UNC5D: variants seen among roughly 807,000 people sequenced by gnomAD.
UNC5D encodes netrin receptor UNC5D.
In UNC5D, 39 loss-of-function variants were observed where a neutral mutation model predicts 105.4. The observed-to-expected ratio is 0.37, with a 90% CI of 0.29 to 0.48. The LOEUF is 0.48. UNC5D is among the 20% of genes least tolerant of loss of function. The probability of loss-of-function intolerance (pLI) is 0.98; values close to 1 mark genes in which losing one functional copy is unlikely to be tolerated. For missense variants in UNC5D, 991 were observed against 1,202.4 expected (o/e 0.82, Z 2.60); for synonymous variants, 452 against 450.4 (o/e 1.00, Z -0.04).
At chr8:35,257,758 C>T (rs556571178) in intron 1 of UNC5D, among the ~76,000 whole-genome samples, 3 of 152,188 alleles carry the variant, frequency 2.0e-5, no homozygotes, top group Non-Finnish European at 2.9e-5. Flanking sequence ...AGAATTCATA[C>T]GTATTTAACA....
intron 8 of UNC5D, chr8:35,721,461 G>A (rs1462540869): frequency 1.4e-6 from 1 of 702,962 alleles, no homozygotes; most frequent in Non-Finnish European, 2.6e-6. Context: ...ATAGGATGGA[G>A]TAGGAGAGGT....
chr8:35,738,679 C>T (rs925002118), intron 11 of UNC5D, among the ~76,000 whole-genome samples: 9 of 152,184 alleles, frequency 5.9e-5, no homozygotes, highest in Non-Finnish European at 1.3e-4. Flanking sequence ...TTTAAAGGTA[C>T]ATCATATTAG....
intron 1 of UNC5D, among the ~76,000 whole-genome samples, chr8:35,534,125 A>G (rs1814649393): frequency 6.6e-6 from 1 of 152,184 alleles, no homozygotes; most frequent in Non-Finnish European, 1.5e-5. Flanking sequence ...TTGTCAATGG[A>G]AAAAAGTCAT....
intron 4 of UNC5D, among the ~76,000 whole-genome samples, chr8:35,660,523 C>A (rs1016105431): frequency 3.3e-5 from 5 of 152,282 alleles, no homozygotes; most frequent in African/African-American, 9.6e-5. Context: ...TATCACCCAG[C>A]ATTTAGTTTT....
At chr8:35,509,906 G>A (rs1586010572) in intron 1 of UNC5D, among the ~76,000 whole-genome samples, 1 of 152,106 alleles carries the variant, frequency 6.6e-6, no homozygotes, top group East Asian at 1.9e-4. Context: ...AGAGCTTAAG[G>A]AAACCCTTAC....
chr8:35,326,373 A>AT (rs1012268029), intron 1 of UNC5D, among the ~76,000 whole-genome samples: 31 of 152,298 alleles, frequency 2.0e-4, no homozygotes, highest in African/African-American at 6.0e-4. Flanking sequence ...ACCAAGACAC[A>AT]TTTTAGAAAG....
chr8:35,441,697 T>C (rs966948399), intron 1 of UNC5D, among the ~76,000 whole-genome samples: 1 of 151,750 alleles, frequency 6.6e-6, no homozygotes, highest in Non-Finnish European at 1.5e-5. Flanking sequence ...AACTGAAGTA[T>C]AAAATAAGTT....
chr8:35,508,532 G>A (rs1210714771), intron 1 of UNC5D, among the ~76,000 whole-genome samples: 2 of 152,288 alleles, frequency 1.3e-5, no homozygotes, highest in East Asian at 3.9e-4. Flanking sequence ...ATTGCTAAAT[G>A]GGCAAGTCCA....
In UNC5D at chr8:35,487,566, T is replaced by TACACACACACACAC. The variant is rs3048025; in HGVS notation, c.104-61711_104-61698dup. ...ATCTCTCTGTCTCTCTCTCTCTCTGTACACACACACACACACACACACACA... is the reference window on the plus strand; with the variant it reads ...ATCTCTCTGTCTCTCTCTCTCTCTGTACACACACACACACACACACACACACACACACACACACA... On this transcript the variant is annotated intron_variant, in intron 1 of 16. Transcript: ENST00000404895. 4.4e-3 allele frequency among the ~76,000 whole-genome samples: 495 copies of TACACACACACACAC among 113,008 alleles called. 4 individuals carry two copies. Among genetic ancestry groups the TACACACACACACAC allele is most frequent in the African/African-American group, 0.017 (465 of 26,888 alleles). The allele number at this position is 113,008 out of a possible 152,430, so 74.1% of individuals were successfully genotyped here. A position where few individuals can be genotyped will look rare whatever the true frequency, so the allele number is the denominator to read the frequency against.
chr8:35,299,015 A>T (rs985980381), intron 1 of UNC5D, among the ~76,000 whole-genome samples: 1 of 152,314 alleles, frequency 6.6e-6, no homozygotes, highest in African/African-American at 2.4e-5. Context: ...ACTGTCAATG[A>T]TTAAACACTT....
chr8:35,443,937 C>T (rs1481989555), intron 1 of UNC5D, among the ~76,000 whole-genome samples: 1 of 151,822 alleles, frequency 6.6e-6, no homozygotes, highest in African/African-American at 2.4e-5. Flanking sequence ...TTCTTCACTG[C>T]TTTTAATATA....
chr8:35,487,593 A>ACACACACACACACACACACAC (rs1415748793), intron 1 of UNC5D, among the ~76,000 whole-genome samples: 3 of 150,472 alleles, frequency 2.0e-5, no homozygotes, highest in African/African-American at 7.4e-5. Context: ...ACACACACAC[A>ACACACACACACACACACACAC]CCCCACAGAC....
chr8:35,693,757 T>C (rs1447108017), intron 7 of UNC5D, among the ~76,000 whole-genome samples: 1 of 152,180 alleles, frequency 6.6e-6, no homozygotes, highest in Non-Finnish European at 1.5e-5. Context: ...TATTTCAATA[T>C]GTATTTTTCC....
At chr8:35,401,946 A>G (rs1365617520) in intron 1 of UNC5D, among the ~76,000 whole-genome samples, 1 of 152,158 alleles carries the variant, frequency 6.6e-6, no homozygotes, top group African/African-American at 2.4e-5. Flanking sequence ...AGAAATATTC[A>G]TCTTAATTTT....
chr8:35,258,979 T>C (rs987629577), intron 1 of UNC5D, among the ~76,000 whole-genome samples: 2 of 152,190 alleles, frequency 1.3e-5, no homozygotes, highest in Non-Finnish European at 2.9e-5. Context: ...AAGCCCGTTA[T>C]CTGGAGAAGT....
chr8:35,563,240 A>G (rs1047219790), intron 2 of UNC5D, among the ~76,000 whole-genome samples: 7 of 151,812 alleles, frequency 4.6e-5, no homozygotes, highest in African/African-American at 1.2e-4. Context: ...ATCCATGAAC[A>G]TGGAATATCT....
chr8:35,708,507 A>G (rs1827741323), intron 8 of UNC5D, among the ~76,000 whole-genome samples: 1 of 152,216 alleles, frequency 6.6e-6, no homozygotes, highest in Non-Finnish European at 1.5e-5. Flanking sequence ...GTTGTGTAAC[A>G]ATGTCAGGAG....
chr8:35,728,071 T>TAAAAAGAAAAA (rs1828974047), intron 10 of UNC5D, among the ~76,000 whole-genome samples: 1 of 41,044 alleles, frequency 2.4e-5, no homozygotes, highest in African/African-American at 1.1e-4. Flanking sequence ...TTGCTGTCTC[T>TAAAAAGAAAAA]AAAAAAAAAA....
chr8:35,683,833 G>C (rs767938332), intron 5 of UNC5D, 106 bp downstream of exon 5: 17 of 1,156,046 alleles, frequency 1.5e-5, no homozygotes, highest in Non-Finnish European at 1.6e-5. Context: ...AGACCTTGGG[G>C]TTCATTCACA....
Sources: allele counts gnomAD v4.1 joint callset (sites outside exome capture counted in the v4.1 genomes callset), GRCh38; gene constraint gnomAD v4.1.1; transcripts MANE v1.5; gene names NCBI Gene and HGNC (gene_info 2026-07-23, HGNC 2026-07-21).